Variants in PDE1C observed in about 807,000 individuals in gnomAD.
PDE1C encodes phosphodiesterase 1C, also known as dual specificity calcium/calmodulin-dependent 3',5'-cyclic nucleotide phosphodiesterase 1C.
Under a neutral mutation model 93.1 loss-of-function variants are expected in PDE1C, and 62 were observed. The observed-to-expected ratio is 0.67, with a 90% CI of 0.54 to 0.82. The LOEUF (loss-of-function observed/expected upper bound fraction) is 0.82, where lower values mean the gene tolerates loss of function less well. Ranked by LOEUF, PDE1C falls within the 40% of genes least tolerant of loss-of-function variation. PDE1C has a pLI of 0.00. For synonymous variants in PDE1C, 325 were observed against 310.1 expected (o/e 1.05, Z -0.50); for missense variants, 742 against 884.6 (o/e 0.84, Z 2.04).
intron 15 of PDE1C, among the ~76,000 whole-genome samples, chr7:31,814,420 G>A (rs1166491534): frequency 1.3e-5 from 2 of 151,826 alleles, no homozygotes; most frequent in South Asian, 2.1e-4. Flanking sequence ...TGCCTCCTAG[G>A]GTGGTCACCA....
intron 1 of PDE1C, among the ~76,000 whole-genome samples, chr7:32,068,869 T>C (rs901409642): frequency 2.0e-5 from 3 of 152,158 alleles, no homozygotes; most frequent in Non-Finnish European, 4.4e-5. Flanking sequence ...GGCCCAGACT[T>C]TGTGGACACA....
intron 3 of PDE1C, among the ~76,000 whole-genome samples, chr7:32,156,273 T>G (rs1377209491): frequency 6.6e-6 from 1 of 152,170 alleles, no homozygotes. Flanking sequence ...TTTATCCTCA[T>G]GCTCTCCCTC....
chr7:31,930,257 C>T (rs13311687), intron 2 of PDE1C, among the ~76,000 whole-genome samples: 30,349 of 152,044 alleles, frequency 0.2, 3,706 homozygotes, highest in Non-Finnish European at 0.28. Flanking sequence ...GAAATTGAGG[C>T]AGTAATTAAT....
At chr7:31,886,016 C>T (rs533895674) in intron 2 of PDE1C, among the ~76,000 whole-genome samples, 1 of 152,286 alleles carries the variant, frequency 6.6e-6, no homozygotes, top group East Asian at 1.9e-4. Flanking sequence ...GGGGGCAGCT[C>T]CTAAAATGCC....
chr7:31,745,520 C>G, the PDE1C span, among the ~76,000 whole-genome samples: 7 of 152,256 alleles, frequency 4.6e-5, no homozygotes, highest in East Asian at 9.6e-4. Context: ...GTAAAATGAG[C>G]ATGATGAGGA....
At chr7:32,315,272 T>A (rs1395013751) in intron 1 of PDE1C, among the ~76,000 whole-genome samples, 1 of 151,908 alleles carries the variant, frequency 6.6e-6, no homozygotes, top group Non-Finnish European at 1.5e-5. Context: ...TGGGATCAAA[T>A]GCAGCCCAGG....
intron 2 of PDE1C, among the ~76,000 whole-genome samples, chr7:32,182,648 C>T (rs933140984): frequency 6.6e-6 from 1 of 152,152 alleles, no homozygotes; most frequent in African/African-American, 2.4e-5. Flanking sequence ...TGGGACGTAT[C>T]TCAAAATAAT....
At position 31,896,009 on chromosome 7, in the gene PDE1C, A is replaced by ACATACATACATACATG. The variant is rs1281471505; in HGVS notation, c.129-15150_129-15149insCATGTATGTATGTATG. Among the ~76,000 whole-genome samples, 863 of 151,786 alleles carry ACATACATACATACATG rather than the reference A, an allele frequency of 5.7e-3. 8 individuals are homozygous for ACATACATACATACATG. The highest frequency in any genetic ancestry group is 0.02 in the African/African-American group (820 of 41,296). ...CTCTCCCTTACATACATACATACAT[A>ACATACATACATACATG]CATACATACATACACACACAAACAC... On this transcript the variant is annotated intron_variant, in intron 2 of 17. Coordinates refer to ENST00000396191, the MANE Select transcript of PDE1C (RefSeq NM_001191057.4).
chr7:31,814,081 T>TACACAC lies in PDE1C; in HGVS notation c.1813+1837_1813+1842dup, dbSNP rs141676874. Among the ~76,000 whole-genome samples the TACACAC allele has an allele frequency of 8.0e-3, 1,194 of 149,506 alleles. 16 individuals are homozygous for TACACAC. The highest frequency in any genetic ancestry group is 0.023 in the African/African-American group (927 of 40,876). On this transcript the variant is annotated intron_variant, in intron 15 of 17. Coordinates refer to ENST00000396191, the MANE Select transcript of PDE1C (RefSeq NM_001191057.4). ...ACACACGCACGCGTGCATATATATG[T>TACACAC]ACACACACACACACACACACATATA...
chr7:32,421,738 G>A (rs1427966839), intron 1 of PDE1C, among the ~76,000 whole-genome samples: 1 of 152,144 alleles, frequency 6.6e-6, no homozygotes, highest in African/African-American at 2.4e-5. Context: ...CTTATTAAAA[G>A]GGAACAGTAA....
chr7:32,338,083 G>A (rs1009132173), intron 1 of PDE1C, among the ~76,000 whole-genome samples: 1 of 152,050 alleles, frequency 6.6e-6, no homozygotes, highest in East Asian at 1.9e-4. Context: ...ATATGACATC[G>A]AAAGCACAGG....
At chr7:32,110,764 T>A (rs1434045842) in intron 3 of PDE1C, among the ~76,000 whole-genome samples, 7 of 152,242 alleles carry the variant, frequency 4.6e-5, no homozygotes, top group African/African-American at 1.7e-4. Context: ...CAGAGAAATT[T>A]CAAAAACTCC....
chr7:31,689,601 T>C, the PDE1C span, among the ~76,000 whole-genome samples: 3 of 152,236 alleles, frequency 2.0e-5, no homozygotes, highest in African/African-American at 7.2e-5. Context: ...AACAGCTCAC[T>C]CATAAAGAGC....
chr7:32,238,332 T>C (rs1336122221), intron 1 of PDE1C, among the ~76,000 whole-genome samples: 1 of 152,168 alleles, frequency 6.6e-6, no homozygotes, highest in Non-Finnish European at 1.5e-5. Flanking sequence ...AAAATTTTAT[T>C]AAAAGATAGT....
chr7:32,064,350 G>A (rs1037693974), intron 1 of PDE1C, among the ~76,000 whole-genome samples: 5 of 152,132 alleles, frequency 3.3e-5, no homozygotes, highest in Admixed American at 6.5e-5. Context: ...AGTCCCTAAC[G>A]AGGCAAATAA....
intron 2 of PDE1C, among the ~76,000 whole-genome samples, chr7:31,964,005 G>A (rs1376020618): frequency 6.6e-6 from 1 of 152,210 alleles, no homozygotes; most frequent in African/African-American, 2.4e-5. Flanking sequence ...GAACAGCTGG[G>A]AGCTATCTAC....
chr7:32,040,965 G>A (rs1791734893), intron 2 of PDE1C, among the ~76,000 whole-genome samples: 1 of 152,050 alleles, frequency 6.6e-6, no homozygotes, highest in Non-Finnish European at 1.5e-5. Flanking sequence ...AGCCCCTGAA[G>A]AACAAGACCT....
chr7:32,232,611 G>A (rs947426221), intron 1 of PDE1C, among the ~76,000 whole-genome samples: 9 of 152,154 alleles, frequency 5.9e-5, no homozygotes, highest in African/African-American at 1.9e-4. Context: ...AAACACATGA[G>A]GGACATGGTG....
intron 2 of PDE1C, among the ~76,000 whole-genome samples, chr7:32,177,145 CT>C (rs1231624572): frequency 1.3e-5 from 2 of 152,176 alleles, no homozygotes; most frequent in Non-Finnish European, 2.9e-5. Flanking sequence ...GAAAAAAGGC[CT>C]TGCTCAGCCC....
Sources: gnomAD v4.1 joint callset for allele counts (sites outside exome capture counted in the v4.1 genomes callset) on GRCh38, gnomAD v4.1.1 for gene constraint, MANE v1.5 for transcripts, NCBI Gene and HGNC (gene_info 2026-07-23, HGNC 2026-07-21) for gene names.